VPS13A: variants seen among roughly 807,000 people sequenced by gnomAD.
VPS13A encodes the protein vacuolar protein sorting 13 homolog A.
Under a neutral mutation model 390.9 loss-of-function variants are expected in VPS13A, and 264 were observed. The observed-to-expected ratio is 0.68, with a 90% CI of 0.61 to 0.75. The LOEUF (loss-of-function observed/expected upper bound fraction) is 0.75. Among genes scored for constraint, VPS13A ranks in the 30% least tolerant of loss-of-function variants. The pLI is 0.00. For synonymous variants in VPS13A, 1,231 were observed against 1,227.1 expected, an observed-to-expected ratio of 1.00 and a Z score of -0.07; for missense variants, 3,409 against 3,733.9, an observed-to-expected ratio of 0.91 and a Z score of 2.27.
intron 35 of VPS13A, among the ~76,000 whole-genome samples, chr9:77,312,411 C>G (rs1221959235): frequency 6.6e-6 from 1 of 150,496 alleles, no homozygotes; most frequent in Non-Finnish European, 1.5e-5. Context: ...CACATGAAAA[C>G]TTGTTCATAT....
At chr9:77,192,895 A>G (rs1824766343) in intron 1 of VPS13A, among the ~76,000 whole-genome samples, 1 of 152,172 alleles carries the variant, frequency 6.6e-6, no homozygotes, top group Non-Finnish European at 1.5e-5. Flanking sequence ...CTCTCTAGCT[A>G]GGATGGGGAA....
At chr9:77,310,295 CTTTCATTAAAAAGTAA>C (rs1828992582) in intron 35 of VPS13A, among the ~76,000 whole-genome samples, 1 of 151,498 alleles carries the variant, frequency 6.6e-6, no homozygotes, top group African/African-American at 2.4e-5. Flanking sequence ...AATTAACTGG[CTTTCATTAAAAAGTAA>C]ATGAGAATGC....
At position 77,366,719 on chromosome 9, in the gene VPS13A, C is replaced by T; in HGVS notation, c.8326-8C>T. 1 of 1,604,778 alleles carries T rather than the reference C, an allele frequency of 6.2e-7. No individual in the cohort carries two copies. Among genetic ancestry groups the T allele is most frequent in the Non-Finnish European group, 8.5e-7 (1 of 1,174,134 alleles). ...TACTTTTAAATATTTATCTCTTTAT[C>T]TTTTTAGTTACATTTAAGTGTTTCA... On this transcript the variant is annotated splice_region_variant and splice_polypyrimidine_tract_variant and intron_variant, in intron 60 of 71. Coordinates refer to ENST00000360280, the MANE Select transcript of VPS13A (RefSeq NM_033305.3).
rs113773210 is a variant in VPS13A, at chr9:77,227,692, T to G, written c.1452+207T>G. Among the ~76,000 whole-genome samples the G allele has an allele frequency of 0.085, 12,343 of 144,624 alleles. 563 individuals are homozygous for G. The highest frequency in any genetic ancestry group is 0.14 in the South Asian group (647 of 4,556). 94.9% of individuals were successfully genotyped at this position (144,624 alleles called of 152,430 possible). A position where few individuals can be genotyped will look rare whatever the true frequency, so the allele number is the denominator to read the frequency against. Reference sequence around the variant, plus strand: ...CCCTCATGCTAGCTAATTTTTGTGGTTTTTTTTTTGTTTTTTTTTTTTGAT... The same window carrying G: ...CCCTCATGCTAGCTAATTTTTGTGGGTTTTTTTTTGTTTTTTTTTTTTGAT... On this transcript the variant is annotated intron_variant, in intron 16 of 71. Transcript: ENST00000360280.
intron 59 of VPS13A, among the ~76,000 whole-genome samples, chr9:77,361,529 A>G (rs1587659457): frequency 6.6e-6 from 1 of 152,134 alleles, no homozygotes; most frequent in South Asian, 2.1e-4. Context: ...GCTTTTATGG[A>G]TAATGTAATG....
In VPS13A at chr9:77,370,525, C is replaced by A; in HGVS notation, c.8854C>A (p.Gln2952Lys). Residue 2952 changes from glutamine to lysine, a missense_variant, in exon 65 of 72, where the codon CAA (glutamine) becomes AAA (lysine). This residue lies in a region of VPS13A where 318 missense variants were observed against 333.7 expected (regional missense o/e 0.95). Transcript: ENST00000360280. ...QQKRREAMNK[Q>K]PAGFREGITR... ...GAAGAGAAGAGAAGCCATGAATAAG[C>A]AACCAGCTGGTTTTAGAGAAGGCAT... The A allele has an allele frequency of 6.2e-7, 1 of 1,614,118 alleles. No homozygotes were observed. The highest frequency in any genetic ancestry group is 8.5e-7 in the Non-Finnish European group (1 of 1,180,032).
At position 77,238,368 on chromosome 9, in the gene VPS13A, C is replaced by T. The variant is rs780834260; in HGVS notation, c.1882C>T (p.Arg628Cys). 40 of 1,613,448 alleles carry T rather than the reference C, an allele frequency of 2.5e-5. No homozygotes were observed. The highest frequency in any genetic ancestry group is 4.5e-5 in the East Asian group (2 of 44,840). The change falls in exon 19 of 72, where the codon CGC (arginine) becomes TGC (cysteine). Residue 628 changes from arginine (R) to cysteine (C), a missense_variant. Coordinates refer to ENST00000360280, the MANE Select transcript of VPS13A (RefSeq NM_033305.3). The part of the protein sequence containing the change: ...AATLTKLEEF[R>C]SKTATGLLYI... ...AACTTTGACAAAACTGGAAGAATTT[C>T]GCAGTAAGACAGCAACAGGTAAATG...
intron 26 of VPS13A, among the ~76,000 whole-genome samples, chr9:77,278,384 G>A (rs1826820863): frequency 1.3e-5 from 2 of 151,608 alleles, no homozygotes; most frequent in Non-Finnish European, 2.9e-5. Flanking sequence ...CACTTATTAA[G>A]TTTTATGTTT....
At chr9:77,349,472 A>G (rs1281706395) in intron 52 of VPS13A, among the ~76,000 whole-genome samples, 1 of 152,090 alleles carries the variant, frequency 6.6e-6, no homozygotes, top group Non-Finnish European at 1.5e-5. Context: ...CCACCCCCAA[A>G]TAGGTTCCCG....
chr9:77,194,666 CA>C (rs1239674560), intron 1 of VPS13A, among the ~76,000 whole-genome samples: 2 of 152,198 alleles, frequency 1.3e-5, no homozygotes, highest in East Asian at 3.9e-4. Context: ...CAGGCTACTC[CA>C]TGCCTGTTTA....
At chr9:77,210,580 A>C (rs1459664245) in intron 6 of VPS13A, 36 bp from the exon 7 acceptor site, 1 of 1,605,958 alleles carries the variant, frequency 6.2e-7, no homozygotes, top group Non-Finnish European at 8.5e-7. Flanking sequence ...CCAACTACTA[A>C]AAATCTGAAT....
chr9:77,413,949 CAAAAG>C lies in VPS13A; in HGVS notation c.9475-2004_9475-2000del, dbSNP rs1475505598. Among the ~76,000 whole-genome samples the C allele has an allele frequency of 2.5e-4, 38 of 152,288 alleles. No individual in the cohort carries two copies. In the East Asian group the frequency reaches 4.2e-3, roughly 17 times the overall value. ...GTGAAGGATATGAACAGACACTTCT[CAAAAG>C]AAGACATTTATGCAGCCAGAAGACA... On this transcript the variant is annotated intron_variant, in intron 71 of 71. Coordinates refer to ENST00000360280, the MANE Select transcript of VPS13A (RefSeq NM_033305.3).
intron 68 of VPS13A, chr9:77,390,112 G>A (rs943273146): frequency 1.6e-5 from 16 of 985,218 alleles, no homozygotes; most frequent in East Asian, 2.3e-4. Flanking sequence ...GAGTAGTGCC[G>A]AACACTTCCT....
At chr9:77,398,837 A>G (rs1265606486) in intron 68 of VPS13A, among the ~76,000 whole-genome samples, 1 of 151,950 alleles carries the variant, frequency 6.6e-6, no homozygotes, top group African/African-American at 2.4e-5. Flanking sequence ...GTTGGCAGCC[A>G]TAAAAAATGA....
chr9:77,380,799 T>C (rs1222460567), intron 67 of VPS13A, among the ~76,000 whole-genome samples: 5 of 152,224 alleles, frequency 3.3e-5, no homozygotes, highest in African/African-American at 9.6e-5. Flanking sequence ...GCTTTAGTTA[T>C]ATTCTCATAA....
At chr9:77,235,448 TTC>T (rs992878843) in intron 17 of VPS13A, among the ~76,000 whole-genome samples, 23 of 152,332 alleles carry the variant, frequency 1.5e-4, no homozygotes, top group Admixed American at 6.5e-4. Flanking sequence ...GATGAGTTGC[TTC>T]TCTCTTGCTG....
At chr9:77,411,423 G>C (rs919046025) in intron 71 of VPS13A, among the ~76,000 whole-genome samples, 1 of 152,066 alleles carries the variant, frequency 6.6e-6, no homozygotes, top group African/African-American at 2.4e-5. Flanking sequence ...CAGCACTTTG[G>C]GAGGCCGAGG....
At chr9:77,223,602 C>G (rs2131186824) in intron 13 of VPS13A, among the ~76,000 whole-genome samples, 1 of 152,270 alleles carries the variant, frequency 6.6e-6, no homozygotes, top group African/African-American at 2.4e-5. Flanking sequence ...GTGCAAGGCC[C>G]TAAACATATT....
chr9:77,200,078 A>C, intron 2 of VPS13A, 90 bp downstream of exon 2: 1 of 1,231,806 alleles, frequency 8.1e-7, no homozygotes, highest in Admixed American at 2.4e-5. Flanking sequence ...AAATTATTTA[A>C]ATTTGAGAAA....
Sources: gnomAD v4.1 joint callset for allele counts (sites outside exome capture counted in the v4.1 genomes callset) on GRCh38, gnomAD v4.1.1 for gene constraint, gnomAD v4.1.1 regional missense constraint, MANE v1.5 for transcripts, NCBI Gene and HGNC (gene_info 2026-07-23, HGNC 2026-07-21) for gene names.